Variants in RUNX1T1 observed in about 807,000 individuals in gnomAD.
RUNX1T1 encodes the protein RUNX1 partner transcriptional co-repressor 1, also known as protein CBFA2T1.
Under a neutral mutation model 62.8 loss-of-function variants are expected in RUNX1T1, and 4 were observed. The ratio of observed to expected loss-of-function variants is 0.06; its 90% CI spans 0.03 to 0.15. The LOEUF is 0.15. Ranked by LOEUF, RUNX1T1 falls within the 10% of genes least tolerant of loss-of-function variation. RUNX1T1 has a pLI of 1.00. For synonymous variants in RUNX1T1, 291 were observed against 286.0 expected (o/e 1.02, Z -0.18); for missense variants, 508 against 754.3 (o/e 0.67, Z 3.82).
chr8:92,096,443 T>C (rs2130941540), intron 1 of RUNX1T1, among the ~76,000 whole-genome samples: 1 of 152,240 alleles, frequency 6.6e-6, no homozygotes, highest in East Asian at 1.9e-4. Context: ...CCCAGCAGGG[T>C]CAGGAAGGAG....
chr8:92,067,091 G>C (rs945834918), upstream of RUNX1T1, among the ~76,000 whole-genome samples: 1 of 152,186 alleles, frequency 6.6e-6, no homozygotes, highest in Non-Finnish European at 1.5e-5. Flanking sequence ...AATTTGAAGG[G>C]TGTATAAACA....
chr8:92,067,987 T>C (rs901155097), intron 2 of RUNX1T1, among the ~76,000 whole-genome samples: 19 of 152,186 alleles, frequency 1.2e-4, no homozygotes, highest in Non-Finnish European at 2.4e-4. Context: ...ACTATAATAA[T>C]ACAGTTAAAG....
intron 6 of RUNX1T1, among the ~76,000 whole-genome samples, chr8:91,988,045 T>A (rs1816922253): frequency 6.6e-6 from 1 of 152,130 alleles, no homozygotes. Flanking sequence ...CTGAGCTATC[T>A]CTCTGTGGAA....
chr8:92,047,814 T>G (rs1829642108), intron 1 of RUNX1T1, among the ~76,000 whole-genome samples: 1 of 151,748 alleles, frequency 6.6e-6, no homozygotes, highest in Non-Finnish European at 1.5e-5. Context: ...AACAATTTGC[T>G]CCAAAATTGC....
intron 3 of RUNX1T1, among the ~76,000 whole-genome samples, chr8:92,012,386 T>C (rs1219518006): frequency 6.6e-6 from 1 of 151,916 alleles, no homozygotes; most frequent in Non-Finnish European, 1.5e-5. Context: ...ACAAAAAAAT[T>C]AGCCAGGTGT....
intron 5 of RUNX1T1, among the ~76,000 whole-genome samples, chr8:91,996,360 C>A (rs1818679449): frequency 6.6e-6 from 1 of 152,136 alleles, no homozygotes; most frequent in African/African-American, 2.4e-5. Flanking sequence ...CGCCACCACG[C>A]CTGGCTAACT....
upstream of RUNX1T1, among the ~76,000 whole-genome samples, chr8:92,065,651 T>C (rs1039107635): frequency 2.6e-5 from 4 of 152,246 alleles, no homozygotes; most frequent in Non-Finnish European, 4.4e-5. Context: ...TTTTCACTTA[T>C]GTCCACCACA....
chr8:92,051,307 G>A (rs1830190203), intron 1 of RUNX1T1, among the ~76,000 whole-genome samples: 1 of 151,920 alleles, frequency 6.6e-6, no homozygotes, highest in African/African-American at 2.4e-5. Context: ...AACATAATTA[G>A]GTACCAGCCC....
At chr8:91,992,014 C>G in intron 5 of RUNX1T1, 125 bp from the exon 7 acceptor site, 1 of 1,002,532 alleles carries the variant, frequency 1.0e-6, no homozygotes, top group Non-Finnish European at 1.5e-6. Context: ...CTTCTAAACT[C>G]AGCTTCCCAG....
intron 1 of RUNX1T1, chr8:92,081,099 C>G (rs761673781): frequency 8.6e-5 from 14 of 163,128 alleles, no homozygotes; most frequent in Non-Finnish European, 1.8e-4. Context: ...TCAGTTCTTA[C>G]ACTTACTCAT....
chr8:92,011,041 A>C (rs2131094665), exon 4 of RUNX1T1: 1 of 1,610,578 alleles, frequency 6.2e-7, no homozygotes, highest in East Asian at 2.2e-5. Flanking sequence ...GTGGGAAGTT[A>C]GTAGCTTCTT....
upstream of RUNX1T1, among the ~76,000 whole-genome samples, chr8:92,064,425 T>A: frequency 6.6e-6 from 1 of 152,202 alleles, no homozygotes; most frequent in Admixed American, 6.5e-5. Context: ...AATGAGGTTC[T>A]CTGTAATGGA....
At chr8:92,056,801 T>C (rs1831116639) in intron 1 of RUNX1T1, among the ~76,000 whole-genome samples, 3 of 152,200 alleles carry the variant, frequency 2.0e-5, no homozygotes, top group African/African-American at 7.2e-5. Context: ...CAATTTTGTC[T>C]GCCAAGGTGT....
chr8:92,080,493 G>C (rs1319018736), intron 1 of RUNX1T1, among the ~76,000 whole-genome samples: 1 of 152,244 alleles, frequency 6.6e-6, no homozygotes, highest in Non-Finnish European at 1.5e-5. Flanking sequence ...ACTGTGACTG[G>C]GAACTGCAGC....
At chr8:92,017,679 C>T in intron 1 of RUNX1T1, 2 of 1,239,608 alleles carry the variant, frequency 1.6e-6, no homozygotes, top group Non-Finnish European at 2.0e-6. Flanking sequence ...CCAATGTTAG[C>T]AAGAGGTAGA....
chr8:92,056,313 A>G (rs1473087933), intron 1 of RUNX1T1, among the ~76,000 whole-genome samples: 1 of 152,206 alleles, frequency 6.6e-6, no homozygotes, highest in African/African-American at 2.4e-5. Context: ...TCATAAACAC[A>G]TGATAAAGAC....
intron 1 of RUNX1T1, among the ~76,000 whole-genome samples, chr8:92,058,424 G>C (rs1358899018): frequency 6.6e-6 from 1 of 152,250 alleles, no homozygotes. Context: ...TTTTCTCCCA[G>C]GTAGCTCTGC....
At chr8:91,976,267 T>G (rs1813922613) in intron 8 of RUNX1T1, among the ~76,000 whole-genome samples, 1 of 152,258 alleles carries the variant, frequency 6.6e-6, no homozygotes, top group African/African-American at 2.4e-5. Flanking sequence ...CAGCACTTTC[T>G]GACTATGGAG....
chr8:92,082,963 G>T (rs1332414838), intron 1 of RUNX1T1, among the ~76,000 whole-genome samples: 1 of 152,132 alleles, frequency 6.6e-6, no homozygotes, highest in African/African-American at 2.4e-5. Context: ...GAGGGAATCT[G>T]GTAGGGAAAA....
Sources: gnomAD v4.1 joint callset for allele counts (sites outside exome capture counted in the v4.1 genomes callset) on GRCh38, gnomAD v4.1.1 for gene constraint, MANE v1.5 for transcripts, NCBI Gene and HGNC (gene_info 2026-07-23, HGNC 2026-07-21) for gene names.